DIAPH3: variants seen among roughly 807,000 people sequenced by gnomAD.
DIAPH3 encodes protein diaphanous homolog 3.
Under a neutral mutation model 144.3 loss-of-function variants are expected in DIAPH3, and 117 were observed. That is an observed-to-expected ratio of 0.81 (90% confidence interval 0.70 to 0.95). The LOEUF is 0.95. DIAPH3 is among the 40% of genes least tolerant of loss of function. The pLI is 0.00. For synonymous variants in DIAPH3, 519 were observed against 488.9 expected, an observed-to-expected ratio of 1.06 and a Z score of -0.81; for missense variants, 1,421 against 1,412.7, an observed-to-expected ratio of 1.01 and a Z score of -0.09.
chr13:60,013,250 G>C (rs2053402426), intron 7 of DIAPH3: 1 of 978,472 alleles, frequency 1.0e-6, no homozygotes, highest in Non-Finnish European at 1.2e-6. Context: ...CTAATAGATG[G>C]AATTTCAGGC....
intron 1 of DIAPH3, among the ~76,000 whole-genome samples, chr13:60,149,092 GGT>G (rs1279705584): frequency 6.6e-6 from 1 of 152,160 alleles, no homozygotes; most frequent in Non-Finnish European, 1.5e-5. Flanking sequence ...TGAGGAAAGG[GGT>G]TGTTTGGTTT....
chr13:59,706,306 C>G (rs984848066), intron 27 of DIAPH3, among the ~76,000 whole-genome samples: 3 of 152,132 alleles, frequency 2.0e-5, no homozygotes, highest in Non-Finnish European at 4.4e-5. Flanking sequence ...TGGATACAGA[C>G]GGTCAACTGC....
chr13:60,122,624 C>T (rs893607777), intron 2 of DIAPH3, among the ~76,000 whole-genome samples: 3 of 152,034 alleles, frequency 2.0e-5, no homozygotes, highest in Middle Eastern at 3.2e-3. Context: ...CTAAATTTTT[C>T]TCAACAATAT....
intron 27 of DIAPH3, among the ~76,000 whole-genome samples, chr13:59,712,786 CTG>C (rs1265702417): frequency 2.0e-5 from 3 of 152,162 alleles, no homozygotes; most frequent in Non-Finnish European, 4.4e-5. Flanking sequence ...GAAAACAATC[CTG>C]TGTCTGTTTT....
chr13:59,784,297 G>A (rs1225509071), intron 25 of DIAPH3, among the ~76,000 whole-genome samples: 1 of 151,970 alleles, frequency 6.6e-6, no homozygotes, highest in East Asian at 1.9e-4. Flanking sequence ...TAGCTAGGAT[G>A]GTCTCAATCT....
intron 4 of DIAPH3, among the ~76,000 whole-genome samples, chr13:60,051,250 T>C (rs1315426090): frequency 7.9e-5 from 12 of 152,152 alleles, no homozygotes; most frequent in Admixed American, 5.2e-4. Context: ...TATATGGTAA[T>C]GTTTGCATGC....
intron 27 of DIAPH3, among the ~76,000 whole-genome samples, chr13:59,730,698 GCACTTAAAA>G (rs996955459): frequency 2.2e-4 from 34 of 152,252 alleles, no homozygotes; most frequent in African/African-American, 8.2e-4. Flanking sequence ...ATTCTGCCTT[GCACTTAAAA>G]CACTCTGCTT....
At chr13:59,924,439 T>C (rs1223708244) in intron 18 of DIAPH3, among the ~76,000 whole-genome samples, 1 of 151,876 alleles carries the variant, frequency 6.6e-6, no homozygotes, top group Admixed American at 6.6e-5. Flanking sequence ...ACACTACCAA[T>C]TTTTTTCAAA....
At chr13:60,130,112 T>C (rs1348760080) in intron 2 of DIAPH3, among the ~76,000 whole-genome samples, 1 of 152,210 alleles carries the variant, frequency 6.6e-6, no homozygotes, top group Non-Finnish European at 1.5e-5. Flanking sequence ...ACAGAGCTAA[T>C]AAGAGGTAAA....
chr13:59,712,975 G>A (rs912849114), intron 27 of DIAPH3, among the ~76,000 whole-genome samples: 7 of 152,186 alleles, frequency 4.6e-5, no homozygotes, highest in African/African-American at 9.6e-5. Context: ...TCTCGCATGC[G>A]CAGTTCACAA....
At chr13:59,869,924 A>C (rs2044154981) in intron 21 of DIAPH3, among the ~76,000 whole-genome samples, 1 of 152,092 alleles carries the variant, frequency 6.6e-6, no homozygotes, top group Non-Finnish European at 1.5e-5. Context: ...ATTTTCTTCC[A>C]GCCTGTTTTC....
chr13:60,123,442 A>T (rs1189182869), intron 2 of DIAPH3, among the ~76,000 whole-genome samples: 3 of 152,310 alleles, frequency 2.0e-5, no homozygotes, highest in African/African-American at 4.8e-5. Flanking sequence ...AGAGCTCTTG[A>T]TCTTATTCCC....
intron 21 of DIAPH3, among the ~76,000 whole-genome samples, chr13:59,864,454 CTGTT>C (rs1007071543): frequency 1.3e-5 from 2 of 151,960 alleles, no homozygotes; most frequent in Non-Finnish European, 2.9e-5. Context: ...CCCTTGTAGA[CTGTT>C]TGGAACGTTA....
intron 1 of DIAPH3, among the ~76,000 whole-genome samples, chr13:60,150,679 A>G (rs890847675): frequency 4.6e-5 from 7 of 152,254 alleles, no homozygotes; most frequent in Non-Finnish European, 8.8e-5. Context: ...TAAGGGCATC[A>G]GTTCACAAAG....
At chr13:60,083,666 T>C (rs1189708292) in intron 4 of DIAPH3, among the ~76,000 whole-genome samples, 1 of 152,056 alleles carries the variant, frequency 6.6e-6, no homozygotes, top group Non-Finnish European at 1.5e-5. Flanking sequence ...CAGTAGTGCA[T>C]TTGTGGCCCC....
At chr13:59,951,259 T>C (rs962473422) in intron 17 of DIAPH3, among the ~76,000 whole-genome samples, 1 of 152,046 alleles carries the variant, frequency 6.6e-6, no homozygotes, top group Non-Finnish European at 1.5e-5. Context: ...GGTCTGATGG[T>C]TTTATAAAAG....
chr13:59,877,652 A>G (rs532419552), intron 21 of DIAPH3, among the ~76,000 whole-genome samples: 1 of 152,278 alleles, frequency 6.6e-6, no homozygotes, highest in African/African-American at 2.4e-5. Flanking sequence ...ATATCTTGCT[A>G]CGAAACATCT....
chr13:59,755,745 T>A (rs747215875), intron 27 of DIAPH3, among the ~76,000 whole-genome samples: 6 of 152,100 alleles, frequency 3.9e-5, no homozygotes, highest in Non-Finnish European at 7.4e-5. Flanking sequence ...TAAATCAGAA[T>A]GTGTGGAGCT....
intron 27 of DIAPH3, among the ~76,000 whole-genome samples, chr13:59,689,826 G>T (rs1188430094): frequency 6.6e-6 from 1 of 151,598 alleles, no homozygotes; most frequent in African/African-American, 2.4e-5. Flanking sequence ...TGTTATGCAA[G>T]TGATGCTTTA....
Sources: gnomAD v4.1 joint callset for allele counts (sites outside exome capture counted in the v4.1 genomes callset) on GRCh38, gnomAD v4.1.1 for gene constraint, MANE v1.5 for transcripts, NCBI Gene and HGNC (gene_info 2026-07-23, HGNC 2026-07-21) for gene names.